The following MYRFL variants were observed in gnomAD, a reference collection of about 807,000 sequenced individuals.
MYRFL encodes myelin regulatory factor-like protein.
Under a neutral mutation model 109.4 loss-of-function variants are expected in MYRFL, and 88 were observed. The ratio of observed to expected loss-of-function variants is 0.80; its 90% CI spans 0.68 to 0.96. The LOEUF is 0.96. Ranked by LOEUF, MYRFL falls within the 40% of genes least tolerant of loss-of-function variation. MYRFL has a pLI of 0.00. For missense variants in MYRFL, 957 were observed against 954.9 expected (o/e 1.00, Z -0.03); for synonymous variants, 324 against 320.9 (o/e 1.01, Z -0.10).
intron 2 of MYRFL, among the ~76,000 whole-genome samples, chr12:69,863,158 T>C (rs968507472): frequency 1.1e-4 from 16 of 152,206 alleles, no homozygotes; most frequent in African/African-American, 3.6e-4. Context: ...TTGCCAGTAT[T>C]TTATTGAGGA....
chr12:69,892,968 A>T (rs1887006239), intron 7 of MYRFL, among the ~76,000 whole-genome samples: 1 of 152,230 alleles, frequency 6.6e-6, no homozygotes. Context: ...AAGATAATAT[A>T]GTTTTCCATT....
intron 5 of MYRFL, 32 bp downstream of exon 5, chr12:69,880,324 G>C (rs1368845034): frequency 8.6e-6 from 6 of 696,926 alleles, no homozygotes; most frequent in African/African-American, 1.8e-5. Flanking sequence ...CAAGGGCGAT[G>C]CCATCAAAGC....
intron 15 of MYRFL, among the ~76,000 whole-genome samples, chr12:69,928,164 T>C (rs912114632): frequency 2.0e-5 from 3 of 152,210 alleles, no homozygotes; most frequent in African/African-American, 7.2e-5. Flanking sequence ...TGGTACTAAA[T>C]ATGCAAATGG....
chr12:69,948,284 A>G (rs1955887324), intron 19 of MYRFL, among the ~76,000 whole-genome samples: 1 of 152,134 alleles, frequency 6.6e-6, no homozygotes, highest in Non-Finnish European at 1.5e-5. Context: ...AATCATTTTT[A>G]TAATTCTGAT....
intron 22 of MYRFL, among the ~76,000 whole-genome samples, chr12:69,955,861 AG>A (rs1346979841): frequency 1.3e-5 from 2 of 151,656 alleles, no homozygotes; most frequent in Non-Finnish European, 2.9e-5. Flanking sequence ...AAAAAAAAAA[AG>A]GAACCAGAGT....
At chr12:69,858,346 A>T (rs925556558) in intron 2 of MYRFL, among the ~76,000 whole-genome samples, 1 of 151,918 alleles carries the variant, frequency 6.6e-6, no homozygotes, top group Non-Finnish European at 1.5e-5. Flanking sequence ...GTTTGGTATC[A>T]CAGCAACTAT....
intron 6 of MYRFL, among the ~76,000 whole-genome samples, chr12:69,887,617 C>T (rs552793318): frequency 6.6e-6 from 1 of 152,320 alleles, no homozygotes; most frequent in South Asian, 2.1e-4. Flanking sequence ...AATTTACCTA[C>T]TTAAGCCTTC....
intron 2 of MYRFL, among the ~76,000 whole-genome samples, chr12:69,856,117 G>T (rs1342740978): frequency 6.6e-6 from 1 of 152,082 alleles, no homozygotes; most frequent in East Asian, 1.9e-4. Context: ...GTAACCACTG[G>T]TCTGTTTTTT....
intron 10 of MYRFL, among the ~76,000 whole-genome samples, chr12:69,897,818 G>C (rs1462418525): frequency 6.6e-6 from 1 of 152,198 alleles, no homozygotes; most frequent in Non-Finnish European, 1.5e-5. Context: ...AAATGTGATT[G>C]GTAGCACCAG....
chr12:69,931,238 G>A (rs1330911599), intron 15 of MYRFL, among the ~76,000 whole-genome samples: 1 of 152,144 alleles, frequency 6.6e-6, no homozygotes, highest in Non-Finnish European at 1.5e-5. Context: ...CACTTACCCT[G>A]AGACTAATCC....
chr12:69,827,501 C>T (rs570390330), intron 1 of MYRFL, among the ~76,000 whole-genome samples: 136 of 151,970 alleles, frequency 8.9e-4, no homozygotes, highest in Middle Eastern at 3.4e-3. Flanking sequence ...GCAGAAGAGG[C>T]GCAATCAGGC....
At chr12:69,926,915 A>G (rs1220020195) in intron 14 of MYRFL, among the ~76,000 whole-genome samples, 181 bp downstream of exon 14, 1 of 16,770 alleles carries the variant, frequency 6.0e-5, no homozygotes, top group Non-Finnish European at 1.1e-4. Context: ...TAACTTTCTT[A>G]GTTTTTTTCT....
chr12:69,926,815 T>A, intron 14 of MYRFL, 81 bp downstream of exon 14: 1 of 1,210,208 alleles, frequency 8.3e-7, no homozygotes, highest in Non-Finnish European at 1.0e-6. Context: ...ATCTAAATGG[T>A]CTTTTTGATC....
At chr12:69,872,158 T>C (rs975494067) in intron 2 of MYRFL, among the ~76,000 whole-genome samples, 6 of 152,232 alleles carry the variant, frequency 3.9e-5, no homozygotes, top group Admixed American at 3.9e-4. Context: ...TCTGTGGTGG[T>C]ACTCTTTATT....
intron 1 of MYRFL, among the ~76,000 whole-genome samples, chr12:69,845,057 T>G (rs947571749): frequency 2.6e-5 from 4 of 152,182 alleles, no homozygotes; most frequent in Admixed American, 2.6e-4. Flanking sequence ...CGCTCTGCCC[T>G]TGATCCCTGC....
At chr12:69,908,588 G>C (rs760076124) in intron 11 of MYRFL, among the ~76,000 whole-genome samples, 1 of 152,140 alleles carries the variant, frequency 6.6e-6, no homozygotes, top group Non-Finnish European at 1.5e-5. Flanking sequence ...CTTCCTTTAC[G>C]TGTCCCTGAG....
In MYRFL at chr12:69,900,212, G is replaced by T. The variant is rs567165777; in HGVS notation, c.1182+2966G>T. 5.9e-5 allele frequency among the ~76,000 whole-genome samples: 9 copies of T among 152,282 alleles called. No homozygotes were observed. In the South Asian group the frequency reaches 1.2e-3, roughly 21 times the overall value. On this transcript the variant is annotated intron_variant, in intron 10 of 24. Coordinates refer to ENST00000552032, the MANE Select transcript of MYRFL (RefSeq NM_182530.3). ...CGTGACATGGGAAACCAAACCTAGG[G>T]TTAGGGAAGATGATATAATAATGCA... is the stretch of plus-strand genomic sequence containing the variant.
chr12:69,839,244 T>C (rs1413072050), intron 1 of MYRFL, among the ~76,000 whole-genome samples: 1 of 152,174 alleles, frequency 6.6e-6, no homozygotes, highest in African/African-American at 2.4e-5. Context: ...GACTCAGCTT[T>C]ATCAGATGAA....
chr12:69,830,720 G>A (rs1882581351), intron 1 of MYRFL, among the ~76,000 whole-genome samples: 1 of 152,000 alleles, frequency 6.6e-6, no homozygotes, highest in African/African-American at 2.4e-5. Context: ...TTCATTCTGG[G>A]ATCTCCAAAA....
Sources: allele counts gnomAD v4.1 joint callset (sites outside exome capture counted in the v4.1 genomes callset), GRCh38; gene constraint gnomAD v4.1.1; transcripts MANE v1.5; gene names NCBI Gene and HGNC (gene_info 2026-07-23, HGNC 2026-07-21).